The following CNTNAP5 variants were observed in gnomAD, a reference collection of about 807,000 sequenced individuals.
The protein encoded by CNTNAP5 is contactin-associated protein-like 5.
Under a neutral mutation model 150.2 loss-of-function variants are expected in CNTNAP5, and 72 were observed. The observed-to-expected ratio is 0.48, with a 90% CI of 0.40 to 0.58. CNTNAP5 has a LOEUF of 0.58. Among genes scored for constraint, CNTNAP5 ranks in the 20% least tolerant of loss-of-function variants. The pLI, the probability that CNTNAP5 is intolerant of heterozygous loss-of-function variation, is 0.00. For synonymous variants in CNTNAP5, 672 were observed against 619.8 expected (o/e 1.08, Z -1.25); for missense variants, 1,636 against 1,626.2 (o/e 1.01, Z -0.10).
intron 3 of CNTNAP5, among the ~76,000 whole-genome samples, chr2:124,393,560 C>G (rs1363656338): frequency 2.0e-5 from 3 of 152,142 alleles, no homozygotes; most frequent in South Asian, 2.1e-4. Context: ...GGGGTTCAGC[C>G]CCTAATGCCA....
At chr2:124,887,130 T>C (rs1379945642) in intron 21 of CNTNAP5, among the ~76,000 whole-genome samples, 2 of 152,072 alleles carry the variant, frequency 1.3e-5, no homozygotes, top group East Asian at 1.9e-4. Context: ...TCCTAATTTA[T>C]AGTACTGTGG....
chr2:124,263,880 C>T (rs1387550094), intron 3 of CNTNAP5, among the ~76,000 whole-genome samples: 6 of 152,136 alleles, frequency 3.9e-5, no homozygotes. Flanking sequence ...AGCCAGTTTT[C>T]CCAGCACCAT....
intron 11 of CNTNAP5, among the ~76,000 whole-genome samples, chr2:124,580,941 G>A (rs768622546): frequency 6.6e-6 from 1 of 152,188 alleles, no homozygotes; most frequent in Non-Finnish European, 1.5e-5. Flanking sequence ...ACAGGATGCA[G>A]GTATTTGCAT....
chr2:124,313,512 GA>G (rs1342866680), intron 3 of CNTNAP5, among the ~76,000 whole-genome samples: 5 of 152,146 alleles, frequency 3.3e-5, no homozygotes, highest in Admixed American at 3.3e-4. Context: ...GAATTGCCTA[GA>G]AACTCAAAAT....
intron 1 of CNTNAP5, among the ~76,000 whole-genome samples, chr2:124,185,261 A>C (rs1685307913): frequency 6.6e-6 from 1 of 152,164 alleles, no homozygotes; most frequent in African/African-American, 2.4e-5. Flanking sequence ...AGCCCTGCAC[A>C]AGGTTCCTCT....
At position 124,764,133 on chromosome 2, in the gene CNTNAP5, G is replaced by T; in HGVS notation, c.2519G>T (p.Arg840Leu). ...AATCTTGGCATTAAAGACTTCATTC[G>T]ACTCGAAATAAGCTGTAAGTGCCCT... ...LENLGIKDFIRLEISSPSEIT... is the reference protein window; with the variant it reads ...LENLGIKDFILLEISSPSEIT... The change falls in exon 16 of 24, where the codon CGA (arginine) becomes CTA (leucine). Residue 840 changes from arginine to leucine, a missense_variant. By Grantham distance (102) the Arg-to-Leu change is moderately radical. Transcript: ENST00000682447. 6.2e-7 allele frequency: 1 copy of T among 1,612,022 alleles called. No homozygotes were observed. The highest frequency in any genetic ancestry group is 1.1e-5 in the South Asian group (1 of 90,962).
At chr2:124,401,175 T>G (rs578062974) in intron 3 of CNTNAP5, among the ~76,000 whole-genome samples, 2 of 152,268 alleles carry the variant, frequency 1.3e-5, no homozygotes, top group South Asian at 4.1e-4. Context: ...CAATTATCTC[T>G]TACACTTAAC....
rs535953681 is a variant in CNTNAP5, at chr2:124,039,246, C to A, written c.82+13514C>A. On this transcript the variant is annotated intron_variant, in intron 1 of 23. Transcript: ENST00000682447. ...ATTATCTACCTGCATTCCAGGCATT[C>A]CCTTGGGACCTCCTCCAAAAAAGGA... Among the ~76,000 whole-genome samples, 13 of 152,290 alleles carry A rather than the reference C, an allele frequency of 8.5e-5. 1 individual carries two copies. The South Asian group carries it at 2.7e-3, about 32-fold the overall frequency.
intron 13 of CNTNAP5, among the ~76,000 whole-genome samples, chr2:124,651,815 G>A (rs570677180): frequency 6.6e-6 from 1 of 152,288 alleles, no homozygotes; most frequent in South Asian, 2.1e-4. Flanking sequence ...TTCCTGGGCG[G>A]CATCAGAGGG....
At chr2:124,654,680 C>T (rs1678402781) in intron 13 of CNTNAP5, among the ~76,000 whole-genome samples, 1 of 152,136 alleles carries the variant, frequency 6.6e-6, no homozygotes, top group South Asian at 2.1e-4. Flanking sequence ...TCTTTGCAGT[C>T]TATGGCACCA....
intron 10 of CNTNAP5, among the ~76,000 whole-genome samples, chr2:124,538,940 A>C (rs761112669): frequency 6.6e-6 from 1 of 152,176 alleles, no homozygotes; most frequent in African/African-American, 2.4e-5. Context: ...TCTAAAGAGC[A>C]CTGCCTTCTG....
At chr2:124,549,368 G>T (rs1427068273) in intron 10 of CNTNAP5, among the ~76,000 whole-genome samples, 4 of 152,136 alleles carry the variant, frequency 2.6e-5, no homozygotes, top group African/African-American at 9.7e-5. Flanking sequence ...TGCACTATAT[G>T]AGTAGTTTTC....
At chr2:124,570,229 T>C (rs867760650) in intron 11 of CNTNAP5, among the ~76,000 whole-genome samples, 1 of 152,104 alleles carries the variant, frequency 6.6e-6, no homozygotes, top group Non-Finnish European at 1.5e-5. Flanking sequence ...CAATGTCAAG[T>C]TACTGTAGCA....
chr2:124,519,214 A>G (rs1397622029), intron 8 of CNTNAP5, among the ~76,000 whole-genome samples: 2 of 152,064 alleles, frequency 1.3e-5, no homozygotes, highest in Non-Finnish European at 2.9e-5. Context: ...GGGAGACAGT[A>G]TATCAAGGTT....
intron 1 of CNTNAP5, among the ~76,000 whole-genome samples, chr2:124,208,371 C>G (rs1409698443): frequency 6.6e-6 from 1 of 152,078 alleles, no homozygotes; most frequent in South Asian, 2.1e-4. Flanking sequence ...GTGGTATTTC[C>G]AAAATTCATA....
chr2:124,096,691 T>C (rs1682941333), intron 1 of CNTNAP5, among the ~76,000 whole-genome samples: 4 of 151,880 alleles, frequency 2.6e-5, no homozygotes, highest in Admixed American at 2.6e-4. Flanking sequence ...AATCTTCTTT[T>C]ATTATTATTA....
At chr2:124,476,007 C>T (rs1220792036) in intron 7 of CNTNAP5, among the ~76,000 whole-genome samples, 1 of 151,806 alleles carries the variant, frequency 6.6e-6, no homozygotes, top group Non-Finnish European at 1.5e-5. Flanking sequence ...TTTTTCTTAT[C>T]TAGTGTTAGA....
At chr2:124,114,745 AAT>A (rs1683385031) in intron 1 of CNTNAP5, among the ~76,000 whole-genome samples, 1 of 151,852 alleles carries the variant, frequency 6.6e-6, no homozygotes. Flanking sequence ...TATCTGATTG[AAT>A]ATGTTTGTAG....
chr2:124,271,802 C>A (rs1687768471), intron 3 of CNTNAP5, among the ~76,000 whole-genome samples: 1 of 152,098 alleles, frequency 6.6e-6, no homozygotes, highest in South Asian at 2.1e-4. Context: ...GCAACCTCCA[C>A]CTCCCAGGTT....
Sources: allele counts gnomAD v4.1 joint callset (sites outside exome capture counted in the v4.1 genomes callset), GRCh38; gene constraint gnomAD v4.1.1; transcripts MANE v1.5; gene names NCBI Gene and HGNC (gene_info 2026-07-23, HGNC 2026-07-21).